The following OSBPL10 variants were observed in gnomAD, a reference collection of about 807,000 sequenced individuals.
OSBPL10 encodes oxysterol binding protein like 10.
A neutral mutation model predicts 81.7 loss-of-function variants in OSBPL10; 49 were observed. The ratio of observed to expected loss-of-function variants is 0.60; its 90% CI spans 0.48 to 0.76. The LOEUF (loss-of-function observed/expected upper bound fraction) is 0.76. Ranked by LOEUF, OSBPL10 falls within the 30% of genes least tolerant of loss-of-function variation. The probability of loss-of-function intolerance (pLI) is 0.00; values close to 1 mark genes in which losing one functional copy is unlikely to be tolerated. For synonymous variants in OSBPL10, 419 were observed against 383.6 expected (o/e 1.09, Z -1.08); for missense variants, 923 against 987.8 (o/e 0.93, Z 0.88).
chr3:32,077,166 T>G (rs1397993543), intron 1 of OSBPL10, among the ~76,000 whole-genome samples: 1 of 152,220 alleles, frequency 6.6e-6, no homozygotes, highest in Non-Finnish European at 1.5e-5. Flanking sequence ...TAGTTCAGCC[T>G]AAGCCCAGGA....
intron 6 of OSBPL10, among the ~76,000 whole-genome samples, chr3:31,730,568 T>G (rs1696944931): frequency 6.6e-6 from 1 of 152,202 alleles, no homozygotes; most frequent in Non-Finnish European, 1.5e-5. Context: ...TATAGAAGAA[T>G]ATTTCATTTT....
chr3:31,666,621 G>C (rs1176652616), intron 10 of OSBPL10, among the ~76,000 whole-genome samples: 1 of 152,134 alleles, frequency 6.6e-6, no homozygotes, highest in Non-Finnish European at 1.5e-5. Flanking sequence ...TCCCTATACA[G>C]CAGTCCCCCT....
intron 2 of OSBPL10, among the ~76,000 whole-genome samples, chr3:32,018,148 C>CAATA (rs199908017): frequency 0.045 from 6,429 of 141,878 alleles, 181 homozygotes; most frequent in East Asian, 0.082. Flanking sequence ...AACTCCATCT[C>CAATA]AATAAATAAA....
At chr3:31,812,804 A>AAGAAAGAAAGAAAGAG (rs1559476485) in intron 4 of OSBPL10, among the ~76,000 whole-genome samples, 41 of 56,090 alleles carry the variant, frequency 7.3e-4, no homozygotes, top group Non-Finnish European at 1.2e-3. Context: ...GAAAGAAAGA[A>AAGAAAGAAAGAAAGAG]AGAAAGAAAG....
At chr3:31,742,318 GC>G (rs1247806047) in intron 5 of OSBPL10, among the ~76,000 whole-genome samples, 1 of 152,206 alleles carries the variant, frequency 6.6e-6, no homozygotes, top group Non-Finnish European at 1.5e-5. Context: ...CACTTATTTG[GC>G]CCTTTTGGCC....
intron 4 of OSBPL10, among the ~76,000 whole-genome samples, chr3:31,751,907 T>C (rs986542808): frequency 6.6e-6 from 1 of 152,194 alleles, no homozygotes; most frequent in African/African-American, 2.4e-5. Flanking sequence ...CTTGGAGCTG[T>C]GCATCACAGT....
At chr3:31,663,193 C>T (rs1254408738) in intron 11 of OSBPL10, 4 of 985,250 alleles carry the variant, frequency 4.1e-6, no homozygotes, top group Admixed American at 6.1e-5. Flanking sequence ...CCCACAGATA[C>T]ATTTTGATTG....
intron 3 of OSBPL10, among the ~76,000 whole-genome samples, chr3:31,848,215 T>C (rs1158217461): frequency 6.6e-6 from 1 of 152,028 alleles, no homozygotes; most frequent in East Asian, 1.9e-4. Context: ...CACAACCCCT[T>C]GTGGTCTTAA....
Position 31,975,146 on chromosome 3 carries a change from A to G in OSBPL10, c.281+5753T>C, listed in dbSNP as rs533555585. ...AGGTGCTCAATACGTATTTTGAACC[A>G]TAAGTGAATAAACAATATTATACAG... is the stretch of plus-strand genomic sequence containing the variant. On this transcript the variant is annotated intron_variant, in intron 1 of 11. Coordinates refer to ENST00000396556, the MANE Select transcript of OSBPL10 (RefSeq NM_017784.5). 1.1e-4 allele frequency among the ~76,000 whole-genome samples: 16 copies of G among 152,328 alleles called. No individual in the cohort carries two copies. The South Asian group carries it at 2.7e-3, about 26-fold the overall frequency.
chr3:31,889,452 G>T lies in OSBPL10; in HGVS notation c.282-9622C>A, dbSNP rs1001633282. ...AGAAAATGTGGTCTATATACACAATGAAACATTATTCAGCCTTAAAAAAGA... is the reference window on the plus strand; with the variant it reads ...AGAAAATGTGGTCTATATACACAATTAAACATTATTCAGCCTTAAAAAAGA... On this transcript the variant is annotated intron_variant, in intron 1 of 11. Coordinates refer to ENST00000396556, the MANE Select transcript of OSBPL10 (RefSeq NM_017784.5). 2.0e-5 allele frequency among the ~76,000 whole-genome samples: 3 copies of T among 152,256 alleles called. No individual in the cohort carries two copies. The South Asian group carries it at 6.2e-4, about 32-fold the overall frequency.
upstream of OSBPL10, among the ~76,000 whole-genome samples, chr3:31,984,050 G>A (rs1698900067): frequency 1.3e-5 from 2 of 151,608 alleles, no homozygotes; most frequent in South Asian, 4.2e-4. Context: ...TTTTGTTTTT[G>A]TTTTGAGACT....
intron 4 of OSBPL10, among the ~76,000 whole-genome samples, chr3:31,783,344 G>A (rs904557418): frequency 6.6e-6 from 1 of 151,770 alleles, no homozygotes; most frequent in African/African-American, 2.4e-5. Flanking sequence ...AATGGACTTT[G>A]GGAACTCATA....
At chr3:31,769,232 C>T (rs1257387710) in intron 4 of OSBPL10, among the ~76,000 whole-genome samples, 1 of 151,798 alleles carries the variant, frequency 6.6e-6, no homozygotes, top group Admixed American at 6.6e-5. Flanking sequence ...CACCTGAGGT[C>T]GAGAGTTTGA....
intron 4 of OSBPL10, among the ~76,000 whole-genome samples, chr3:31,783,061 G>C (rs1207379148): frequency 6.7e-6 from 1 of 148,150 alleles, no homozygotes; most frequent in Non-Finnish European, 1.5e-5. Flanking sequence ...TTAAGGAGTG[G>C]ATGAAGAAAA....
chr3:31,744,875 G>A (rs1490387138), intron 5 of OSBPL10, among the ~76,000 whole-genome samples: 3 of 152,088 alleles, frequency 2.0e-5, no homozygotes, highest in African/African-American at 7.2e-5. Context: ...AATGATTCAA[G>A]CTTATATTTA....
intron 4 of OSBPL10, among the ~76,000 whole-genome samples, chr3:31,753,400 G>C (rs1697778357): frequency 6.6e-6 from 1 of 151,960 alleles, no homozygotes; most frequent in South Asian, 2.1e-4. Context: ...GGTCAGGCTG[G>C]TCTCGAACTC....
intron 2 of OSBPL10, among the ~76,000 whole-genome samples, chr3:32,005,385 C>A (rs1699194211): frequency 6.6e-6 from 1 of 152,122 alleles, no homozygotes; most frequent in Non-Finnish European, 1.5e-5. Context: ...CTCCAATTGT[C>A]CTACTACCAC....
intron 1 of OSBPL10, among the ~76,000 whole-genome samples, chr3:31,889,450 A>C (rs1695832875): frequency 6.6e-6 from 1 of 152,222 alleles, no homozygotes; most frequent in African/African-American, 2.4e-5. Context: ...TATATACACA[A>C]TGAAACATTA....
intron 6 of OSBPL10, among the ~76,000 whole-genome samples, chr3:31,712,219 T>A (rs1377008230): frequency 6.6e-6 from 1 of 152,244 alleles, no homozygotes; most frequent in African/African-American, 2.4e-5. Flanking sequence ...CCTAAGTGTG[T>A]ATCTCAAGTT....
Sources: gnomAD v4.1 joint callset for allele counts (sites outside exome capture counted in the v4.1 genomes callset) on GRCh38, gnomAD v4.1.1 for gene constraint, MANE v1.5 for transcripts, NCBI Gene and HGNC (gene_info 2026-07-23, HGNC 2026-07-21) for gene names.